The following MYO7A variants were observed in gnomAD, a reference collection of about 807,000 sequenced individuals.
MYO7A encodes the protein myosin VIIA.
MYO7A carries 210 observed loss-of-function variants against 263.8 expected under a neutral mutation model. The ratio of observed to expected loss-of-function variants is 0.80; its 90% CI spans 0.71 to 0.89. The LOEUF (loss-of-function observed/expected upper bound fraction) is 0.89, where lower values mean the gene tolerates loss of function less well. MYO7A is among the 40% of genes least tolerant of loss of function. The probability of loss-of-function intolerance (pLI) is 0.00; values close to 1 mark genes in which losing one functional copy is unlikely to be tolerated. For missense variants in MYO7A, 2,820 were observed against 2,968.3 expected (o/e 0.95, Z 1.16); for synonymous variants, 1,239 against 1,197.3 (o/e 1.03, Z -0.72).
intron 27 of MYO7A, among the ~76,000 whole-genome samples, chr11:77,185,797 C>T (rs930745743): frequency 1.3e-5 from 2 of 152,186 alleles, no homozygotes; most frequent in Non-Finnish European, 2.9e-5. Flanking sequence ...TCTATGGCAG[C>T]AATAGTCTTA....
chr11:77,207,631 G>A (rs1957539763), intron 42 of MYO7A, among the ~76,000 whole-genome samples: 2 of 152,188 alleles, frequency 1.3e-5, no homozygotes, highest in African/African-American at 4.8e-5. Context: ...CATGTGCCCA[G>A]GTGCTCTGTG....
intron 13 of MYO7A, 79 bp from the exon 14 acceptor site, chr11:77,162,774 G>A (rs1953119265): frequency 6.5e-7 from 1 of 1,543,346 alleles, no homozygotes; most frequent in East Asian, 2.3e-5. Context: ...GAAGAGACAG[G>A]GGGCAAAGAC....
At position 77,174,766 on chromosome 11, in the gene MYO7A, G is replaced by A. The variant is rs1308203959; in HGVS notation, c.1946G>A (p.Arg649Gln). ...NEFKKPMLFD[R>Q]HLCVRQLRYS... ...CTGTGTGCCTGGCAGCTGTTCGACC[G>A]GCACCTGTGCGTGCGCCAGCTGCGG... The change falls in exon 17 of 49, where the codon CGG becomes CAG. Residue 649 changes from arginine (R) to glutamine (Q), a missense_variant. Arg to Gln is a conservative substitution (Grantham distance 43). Transcript: ENST00000409709. The A allele has an allele frequency of 1.3e-5, 21 of 1,594,538 alleles. No homozygotes were observed. The highest frequency in any genetic ancestry group is 4.5e-5 in the South Asian group (4 of 88,042).
intron 12 of MYO7A, 61 bp downstream of exon 12, chr11:77,161,176 A>C: frequency 6.3e-7 from 1 of 1,599,836 alleles, no homozygotes; most frequent in Non-Finnish European, 8.6e-7. Context: ...AAGAAATATC[A>C]CGTCTCTCCC....
chr11:77,193,277 G>A (rs1221589961), intron 31 of MYO7A, among the ~76,000 whole-genome samples: 5 of 152,126 alleles, frequency 3.3e-5, no homozygotes, highest in Admixed American at 3.3e-4. Flanking sequence ...GGTGATGGTG[G>A]AGGTAGTGAT....
Position 77,138,276 on chromosome 11 carries a change from G to T in MYO7A, c.19-4433G>T, listed in dbSNP as rs962166780. Reference sequence around the variant, plus strand: ...CGCACGGGATTAGGTGAATTAGGGAGCCGGAGCAGTGCCGCCGTCGCCGTC... The same window carrying T: ...CGCACGGGATTAGGTGAATTAGGGATCCGGAGCAGTGCCGCCGTCGCCGTC... On this transcript the variant is annotated intron_variant, in intron 2 of 48. Coordinates refer to ENST00000409709, the MANE Select transcript of MYO7A (RefSeq NM_000260.4). This position sits in a 1 kb window ranked among gnomAD's most constrained non-coding sequence, Gnocchi z 4.9. Among the ~76,000 whole-genome samples, 4 of 152,160 alleles carry T rather than the reference G, an allele frequency of 2.6e-5. No individual in the cohort carries two copies. Among genetic ancestry groups the T allele is most frequent in the African/African-American group, 9.7e-5 (4 of 41,442 alleles).
chr11:77,215,111 C>A lies in MYO7A; in HGVS notation c.*415C>A. 1 of 186,468 alleles carries A rather than the reference C, an allele frequency of 5.4e-6. No individual in the cohort carries two copies. 11.6% of individuals were successfully genotyped at this position (186,468 alleles called of 1,614,324 possible). ...CAAATGTGCATTGAATACTCTGAAA[C>A]CGAAGGGACTGGATCTGCAGGTGGG... On this transcript the variant is annotated 3_prime_UTR_variant, in exon 49 of 49. Transcript: ENST00000409709.
At position 77,142,734 on chromosome 11, in the gene MYO7A, G is replaced by T. The variant is rs1951301206; in HGVS notation, c.44G>T (p.Arg15Ile). 6.2e-7 allele frequency: 1 copy of T among 1,611,596 alleles called. No individual in the cohort carries two copies. The highest frequency in any genetic ancestry group is 1.1e-5 in the South Asian group (1 of 90,064). ...GGGGACCATGTGTGGATGGACCTGA[G>T]ATTGGGGCAGGAGTTCGACGTGCCC... ...QQGDHVWMDL[R>I]LGQEFDVPIG... Residue 15 changes from arginine to isoleucine, a missense_variant, in exon 3 of 49, where the codon AGA becomes ATA. By Grantham distance (97) the Arg-to-Ile change is moderately conservative (BLOSUM62 -3). Coordinates refer to ENST00000409709, the MANE Select transcript of MYO7A (RefSeq NM_000260.4).
At chr11:77,208,092 A>G (rs1565481907) in intron 42 of MYO7A, among the ~76,000 whole-genome samples, 1 of 152,204 alleles carries the variant, frequency 6.6e-6, no homozygotes, top group African/African-American at 2.4e-5. Context: ...TCCTAGACCC[A>G]GGGGAGCCCA....
intron 27 of MYO7A, among the ~76,000 whole-genome samples, chr11:77,188,360 A>T (rs1955790289): frequency 6.6e-6 from 1 of 152,226 alleles, no homozygotes; most frequent in Non-Finnish European, 1.5e-5. Flanking sequence ...GATAATTGGG[A>T]TCTAGATAGT....
At chr11:77,178,505 C>T (rs1954875224) in intron 19 of MYO7A, among the ~76,000 whole-genome samples, 2 of 152,086 alleles carry the variant, frequency 1.3e-5, no homozygotes, top group South Asian at 4.1e-4. Flanking sequence ...CATACTTGCA[C>T]ACCCATCCTT....
rs1188167692 is a variant in MYO7A at position 77,205,462 on chromosome 11, G to A, written c.5481G>A (p.Arg1827=). 1.3e-6 allele frequency: 2 copies of A among 1,563,930 alleles called. No individual in the cohort carries two copies. Among genetic ancestry groups the A allele is most frequent in the Non-Finnish European group, 1.7e-6 (2 of 1,154,572 alleles). The change falls in exon 40 of 49, where the codon AGG becomes AGA. Residue 1827 remains arginine, a splice_region_variant and synonymous_variant. Coordinates refer to ENST00000409709, the MANE Select transcript of MYO7A (RefSeq NM_000260.4). The part of the protein sequence containing the change: ...ILKQLTDNHI[R]YSEERGWELL... ...CTGGAGCCCACGCCTCCTCCTGCAG[G>A]TACAGCGAGGAGCGGGGTTGGGAGC...
rs991138064 is a variant in MYO7A at position 77,138,338 on chromosome 11, C to G, written c.19-4371C>G. On this transcript the variant is annotated intron_variant, in intron 2 of 48. Transcript: ENST00000409709. This position sits in a 1 kb window ranked among gnomAD's most constrained non-coding sequence, Gnocchi z 4.9. ...GAGGACCCCGCCGACCCTGCCGACC[C>G]CGCGCGCATCCCGCAGCCCGGCAAG... is the stretch of plus-strand genomic sequence containing the variant. 1.3e-5 allele frequency among the ~76,000 whole-genome samples: 2 copies of G among 151,842 alleles called. No individual in the cohort carries two copies. The highest frequency in any genetic ancestry group is 2.4e-5 in the African/African-American group (1 of 41,426).
intron 31 of MYO7A, among the ~76,000 whole-genome samples, chr11:77,193,772 C>T (rs969198973): frequency 2.0e-4 from 31 of 152,310 alleles, no homozygotes; most frequent in African/African-American, 7.2e-4. Context: ...ATCACTGGGG[C>T]TGCTGTGCAC....
chr11:77,212,539 T>A (rs1591511531), intron 46 of MYO7A: 1 of 340,964 alleles, frequency 2.9e-6, no homozygotes, highest in Admixed American at 4.1e-5. Flanking sequence ...GGAGGAGGGG[T>A]CTGAGGGGCA....
intron 17 of MYO7A, among the ~76,000 whole-genome samples, 192 bp from the exon 18 acceptor site, chr11:77,175,180 T>C (rs186159173): frequency 2.5e-4 from 38 of 151,038 alleles, no homozygotes; most frequent in Non-Finnish European, 4.0e-4. Context: ...TGAGAAAGGG[T>C]TTTGCAATCA....
intron 2 of MYO7A, chr11:77,142,492 T>C: frequency 3.2e-6 from 2 of 617,442 alleles, no homozygotes; most frequent in Non-Finnish European, 6.0e-6. Context: ...AATGGGAATA[T>C]GGCTGTTCTA....
At chr11:77,202,959 T>A in intron 37 of MYO7A, 101 bp from the exon 38 acceptor site, 1 of 1,392,318 alleles carries the variant, frequency 7.2e-7, no homozygotes, top group Non-Finnish European at 9.4e-7. Context: ...TCTCAGCCTC[T>A]GGACACAGGG....
intron 9 of MYO7A, 147 bp from the exon 10 acceptor site, chr11:77,159,300 G>A: frequency 1.5e-6 from 1 of 671,366 alleles, no homozygotes; most frequent in Non-Finnish European, 2.6e-6. Context: ...CTTGACCTGG[G>A]GAAGCATTTA....
Sources: allele counts gnomAD v4.1 joint callset (sites outside exome capture counted in the v4.1 genomes callset), GRCh38; gene constraint gnomAD v4.1.1; non-coding constraint Gnocchi (gnomAD v3.1); transcripts MANE v1.5; gene names NCBI Gene and HGNC (gene_info 2026-07-23, HGNC 2026-07-21).